The following MTOR variants were observed in gnomAD, a reference collection of about 807,000 sequenced individuals.
MTOR encodes serine/threonine-protein kinase mTOR.
In MTOR, 70 loss-of-function variants were observed where a neutral mutation model predicts 319.8. The observed-to-expected ratio is 0.22, with a 90% confidence interval of 0.18 to 0.27. MTOR has a LOEUF of 0.27. MTOR is among the 10% of genes least tolerant of loss of function. The probability of loss-of-function intolerance (pLI) is 1.00; values close to 1 mark genes in which losing one functional copy is unlikely to be tolerated. For synonymous variants in MTOR, 1,183 were observed against 1,211.4 expected (o/e 0.98, Z 0.49); for missense variants, 1,890 against 3,274.4 (o/e 0.58, Z 10.32).
At chr1:11,221,274 T>G (rs1214349600) in intron 19 of MTOR, among the ~76,000 whole-genome samples, 1 of 152,140 alleles carries the variant, frequency 6.6e-6, no homozygotes, top group South Asian at 2.1e-4. Flanking sequence ...GGGTTACAGA[T>G]GTGAGCCACC....
At chr1:11,113,300 T>C (rs374689285) in intron 53 of MTOR, among the ~76,000 whole-genome samples, 9 of 152,254 alleles carry the variant, frequency 5.9e-5, no homozygotes, top group African/African-American at 1.7e-4. Context: ...TACTACTCTA[T>C]ATAAAGCCCA....
intron 57 of MTOR, 123 bp from the exon 58 acceptor site, chr1:11,107,623 A>C (rs1641640924): frequency 2.0e-6 from 2 of 1,000,196 alleles, no homozygotes; most frequent in Non-Finnish European, 1.5e-6. Context: ...GAGCTCTCCC[A>C]CAGCTAATTG....
At chr1:11,252,237 A>T (rs1456019429) in intron 6 of MTOR, among the ~76,000 whole-genome samples, 1 of 152,164 alleles carries the variant, frequency 6.6e-6, no homozygotes, top group African/African-American at 2.4e-5. Flanking sequence ...CTGTATTTTT[A>T]AAAATTTGTA....
chr1:11,231,488 A>C, intron 16 of MTOR, 54 bp from the exon 17 acceptor site: 1 of 1,599,118 alleles, frequency 6.3e-7, no homozygotes, highest in South Asian at 1.1e-5. Context: ...AAAAGAAAGC[A>C]TAGTTGAACT....
intron 28 of MTOR, among the ~76,000 whole-genome samples, chr1:11,192,751 A>G (rs1371075332): frequency 4.5e-4 from 54 of 118,830 alleles, no homozygotes; most frequent in African/African-American, 1.9e-3. Flanking sequence ...TTTCAATTAA[A>G]AAAAAAAAAA....
At chr1:11,213,310 C>T (rs1256429403) in intron 21 of MTOR, 89 bp downstream of exon 21, 1 of 1,419,604 alleles carries the variant, frequency 7.0e-7, no homozygotes, top group Non-Finnish European at 9.6e-7. Flanking sequence ...CAACCTGTCA[C>T]TCAGAATGAG....
intron 13 of MTOR, among the ~76,000 whole-genome samples, chr1:11,237,020 G>A (rs1647301233): frequency 6.6e-6 from 1 of 152,198 alleles, no homozygotes; most frequent in African/African-American, 2.4e-5. Context: ...TCTAGAGTGA[G>A]TTACATATAT....
chr1:11,197,269 A>G (rs1645818059), intron 28 of MTOR, among the ~76,000 whole-genome samples: 1 of 152,214 alleles, frequency 6.6e-6, no homozygotes, highest in South Asian at 2.1e-4. Context: ...CCACAGAACT[A>G]GGGGTAGTGC....
At chr1:11,125,083 C>A (rs917233621) in intron 46 of MTOR, among the ~76,000 whole-genome samples, 2 of 152,106 alleles carry the variant, frequency 1.3e-5, no homozygotes, top group Admixed American at 6.5e-5. Context: ...GTTCTAGAAG[C>A]TACCACTCTC....
intron 19 of MTOR, among the ~76,000 whole-genome samples, chr1:11,218,886 A>C (rs138174557): frequency 1.3e-5 from 2 of 152,298 alleles, no homozygotes; most frequent in Non-Finnish European, 2.9e-5. Context: ...AATTAAGTAC[A>C]AAAATATAAA....
At chr1:11,150,362 C>G in intron 30 of MTOR, 136 bp from the exon 31 acceptor site, 1 of 647,310 alleles carries the variant, frequency 1.5e-6, no homozygotes, top group Non-Finnish European at 2.6e-6. Flanking sequence ...TCTACTAGGT[C>G]ACATAATAGA....
chr1:11,136,767 T>G (rs1465377189), intron 36 of MTOR, among the ~76,000 whole-genome samples: 1 of 151,934 alleles, frequency 6.6e-6, no homozygotes. Context: ...CCTCCCAAAG[T>G]GCTGGGATTA....
At position 11,220,034 on chromosome 1, in the gene MTOR, A is replaced by AC. The variant is rs1245828083; in HGVS notation, c.3031-3801_3031-3800insG. Among the ~76,000 whole-genome samples the AC allele has an allele frequency of 4.4e-3, 275 of 61,826 alleles. 3 individuals carry two copies. Among genetic ancestry groups the AC allele is most frequent in the African/African-American group, 0.011 (253 of 23,746 alleles). 40.6% of individuals were successfully genotyped at this position (61,826 alleles called of 152,430 possible). A position where few individuals can be genotyped will look rare whatever the true frequency, so the allele number is the denominator to read the frequency against. On this transcript the variant is annotated intron_variant, in intron 19 of 57. Transcript: ENST00000361445. ...GCAGCAGAGTGAGACTTGATCTCAA[A>AC]AAAAAAAAAAAGAAAAGAAAAGAAA...
intron 4 of MTOR, 50 bp from the exon 5 acceptor site, chr1:11,256,242 C>A (rs1386057064): frequency 6.3e-7 from 1 of 1,575,284 alleles, no homozygotes; most frequent in South Asian, 1.2e-5. Context: ...GAGTTTTGTT[C>A]TCTCAGGAGT....
chr1:11,151,857 C>T (rs1644156870), intron 30 of MTOR, among the ~76,000 whole-genome samples: 1 of 151,886 alleles, frequency 6.6e-6, no homozygotes, highest in Admixed American at 6.6e-5. Context: ...CTAACTCAGC[C>T]TCCCTCTATT....
At chr1:11,134,586 A>G (rs1643316494) in intron 36 of MTOR, 120 bp from the exon 37 acceptor site, 2 of 754,682 alleles carry the variant, frequency 2.7e-6, no homozygotes, top group Admixed American at 2.1e-5. Flanking sequence ...ACCCTAGAGC[A>G]CAGAATGATG....
chr1:11,124,657 G>A (rs768396382), intron 46 of MTOR, 24 bp from the exon 47 acceptor site: 2 of 1,599,170 alleles, frequency 1.3e-6, no homozygotes, highest in Admixed American at 1.7e-5. Flanking sequence ...TGGGAGCGGT[G>A]AGTGTACATC....
chr1:11,178,624 C>A (rs1645057914), intron 28 of MTOR, among the ~76,000 whole-genome samples: 1 of 152,184 alleles, frequency 6.6e-6, no homozygotes, highest in Non-Finnish European at 1.5e-5. Flanking sequence ...GCAGGTTCTT[C>A]TCCCCCTTTC....
rs545500530 is a variant in MTOR, at chr1:11,197,350, C to T, written c.4253+1908G>A. Among the ~76,000 whole-genome samples, 21 of 152,232 alleles carry T rather than the reference C, an allele frequency of 1.4e-4. No homozygotes were observed. In the South Asian group the frequency reaches 4.2e-3, roughly 30 times the overall value. On this transcript the variant is annotated intron_variant, in intron 28 of 57. Transcript: ENST00000361445. The stretch of plus-strand genomic sequence containing the variant: ...AAAGACGACAGTATACCACCACAAC[C>T]GGGCTTAGGAAAAGCAGCTTTACAA...
Sources: gnomAD v4.1 joint callset for allele counts (sites outside exome capture counted in the v4.1 genomes callset) on GRCh38, gnomAD v4.1.1 for gene constraint, MANE v1.5 for transcripts, NCBI Gene and HGNC (gene_info 2026-07-23, HGNC 2026-07-21) for gene names.